Variants in LINGO2 observed in about 807,000 individuals in gnomAD.
The protein encoded by LINGO2 is leucine rich repeat and Ig domain containing 2, also known as leucine-rich repeat and immunoglobulin-like domain-containing nogo receptor-interacting protein 2.
A neutral mutation model predicts 30.6 loss-of-function variants in LINGO2; 14 were observed. The ratio of observed to expected loss-of-function variants is 0.46; its 90% CI spans 0.30 to 0.72. The LOEUF (loss-of-function observed/expected upper bound fraction) is 0.72, where lower values mean the gene tolerates loss of function less well. Among genes scored for constraint, LINGO2 ranks in the 30% least tolerant of loss-of-function variants. LINGO2 has a pLI of 0.07. For synonymous variants in LINGO2, 317 were observed against 288.5 expected (o/e 1.10, Z -1.00); for missense variants, 729 against 751.7 (o/e 0.97, Z 0.35).
the LINGO2 span, among the ~76,000 whole-genome samples, chr9:29,060,925 G>A: frequency 6.6e-5 from 10 of 151,940 alleles, no homozygotes; most frequent in African/African-American, 2.2e-4. Context: ...TGTATCTTTA[G>A]AGACCCAGGA....
rs556134606 is a variant in LINGO2 at position 28,436,605 on chromosome 9, C to T, written c.-279+39335G>A. 1.1e-3 allele frequency among the ~76,000 whole-genome samples: 165 copies of T among 152,092 alleles called. No individual in the cohort carries two copies. In the Middle Eastern group the frequency reaches 0.031, roughly 28 times the overall value. On this transcript the variant is annotated intron_variant, in intron 2 of 5. Transcript: ENST00000379992. Reference sequence around the variant, plus strand: ...CCAGATTAGCTGGTACTACAGGTGCCCGCCACCACGACCGGCTAATTTTTT... The same window carrying T: ...CCAGATTAGCTGGTACTACAGGTGCTCGCCACCACGACCGGCTAATTTTTT...
chr9:28,981,296 A>G, the LINGO2 span, among the ~76,000 whole-genome samples: 1 of 152,122 alleles, frequency 6.6e-6, no homozygotes, highest in African/African-American at 2.4e-5. Flanking sequence ...GTCTGATCTC[A>G]GACTTCTGCT....
At chr9:28,510,931 T>C (rs141861747) in intron 1 of LINGO2, among the ~76,000 whole-genome samples, 1 of 152,016 alleles carries the variant, frequency 6.6e-6, no homozygotes, top group Non-Finnish European at 1.5e-5. Context: ...GCAGGAAGCA[T>C]CGAGTGCGGG....
chr9:28,640,119 T>C (rs1827498464), intron 1 of LINGO2, among the ~76,000 whole-genome samples: 1 of 152,134 alleles, frequency 6.6e-6, no homozygotes, highest in Non-Finnish European at 1.5e-5. Flanking sequence ...GGTTGAAAAT[T>C]CTTTTCTTTA....
intron 1 of LINGO2, among the ~76,000 whole-genome samples, chr9:28,495,739 A>C (rs191963160): frequency 7.2e-4 from 109 of 152,048 alleles, no homozygotes; most frequent in African/African-American, 2.5e-3. Flanking sequence ...TAGTTCTTTT[A>C]ATTGCGATGT....
At chr9:28,862,542 C>T in the LINGO2 span, among the ~76,000 whole-genome samples, 1 of 151,992 alleles carries the variant, frequency 6.6e-6, no homozygotes, top group East Asian at 1.9e-4. Context: ...GTCACCCAAC[C>T]TTATAGAGCA....
At chr9:28,190,184 T>A (rs1421733879) in intron 4 of LINGO2, among the ~76,000 whole-genome samples, 1 of 152,182 alleles carries the variant, frequency 6.6e-6, no homozygotes, top group Non-Finnish European at 1.5e-5. Context: ...CCTTCAGAAT[T>A]CCTGAGCTGT....
chr9:28,605,714 G>T (rs1283091205), intron 1 of LINGO2, among the ~76,000 whole-genome samples: 1 of 151,956 alleles, frequency 6.6e-6, no homozygotes, highest in African/African-American at 2.4e-5. Flanking sequence ...TCTCCATCAG[G>T]ACTGCTCAGG....
At chr9:29,204,941 G>T in the LINGO2 span, among the ~76,000 whole-genome samples, 1 of 152,226 alleles carries the variant, frequency 6.6e-6, no homozygotes, top group Non-Finnish European at 1.5e-5. Context: ...GTTTACTGCA[G>T]ATGTTCCTTA....
intron 1 of LINGO2, among the ~76,000 whole-genome samples, chr9:28,579,061 C>CCT (rs1554640657): frequency 1.3e-5 from 2 of 150,048 alleles, no homozygotes; most frequent in Non-Finnish European, 3.0e-5. Context: ...CATAAGAGCT[C>CCT]TTTTTTTTTT....
At chr9:28,697,080 G>T in the LINGO2 span, among the ~76,000 whole-genome samples, 1 of 151,764 alleles carries the variant, frequency 6.6e-6, no homozygotes, top group Non-Finnish European at 1.5e-5. Flanking sequence ...CATATTCTTT[G>T]AAAATTTTAT....
At chr9:28,575,444 C>T (rs1053541582) in intron 1 of LINGO2, among the ~76,000 whole-genome samples, 8 of 150,856 alleles carry the variant, frequency 5.3e-5, no homozygotes, top group Admixed American at 3.3e-4. Context: ...AAAAAAACCA[C>T]GTTTTCACTC....
chr9:29,104,038 C>T, the LINGO2 span, among the ~76,000 whole-genome samples: 1 of 152,052 alleles, frequency 6.6e-6, no homozygotes, highest in Non-Finnish European at 1.5e-5. Flanking sequence ...ATATAGTACC[C>T]AACACATAGT....
chr9:27,960,634 T>A (rs1587544107), intron 5 of LINGO2, among the ~76,000 whole-genome samples: 2 of 145,560 alleles, frequency 1.4e-5, no homozygotes, highest in South Asian at 2.1e-4. Context: ...TTTTTTTTTT[T>A]ACTTGTACAT....
At chr9:28,595,392 A>G (rs1825127262) in intron 1 of LINGO2, among the ~76,000 whole-genome samples, 2 of 152,172 alleles carry the variant, frequency 1.3e-5, no homozygotes, top group Admixed American at 6.6e-5. Flanking sequence ...TAGGTTTTCT[A>G]AACAAATGAC....
chr9:28,994,127 T>C, the LINGO2 span, among the ~76,000 whole-genome samples: 2 of 152,012 alleles, frequency 1.3e-5, no homozygotes, highest in Admixed American at 1.3e-4. Flanking sequence ...CCCCATTGTC[T>C]CAGCCCAAAA....
chr9:28,289,392 A>T (rs1003455025), intron 4 of LINGO2, among the ~76,000 whole-genome samples: 1 of 152,232 alleles, frequency 6.6e-6, no homozygotes, highest in Admixed American at 6.5e-5. Flanking sequence ...GTCTCTGTAC[A>T]TCCTGATTAG....
intron 3 of LINGO2, among the ~76,000 whole-genome samples, chr9:28,346,571 G>A (rs561709651): frequency 6.6e-6 from 1 of 152,254 alleles, no homozygotes; most frequent in East Asian, 1.9e-4. Context: ...AGATTGCTGG[G>A]TCATATGGTA....
chr9:28,792,690 C>T, the LINGO2 span, among the ~76,000 whole-genome samples: 2 of 152,106 alleles, frequency 1.3e-5, no homozygotes, highest in Non-Finnish European at 2.9e-5. Context: ...AAAGTAACAA[C>T]TCCACCTATC....
Sources: allele counts gnomAD v4.1 joint callset (sites outside exome capture counted in the v4.1 genomes callset), GRCh38; gene constraint gnomAD v4.1.1; transcripts MANE v1.5; gene names NCBI Gene and HGNC (gene_info 2026-07-23, HGNC 2026-07-21).